NR3C2: variants seen among roughly 807,000 people sequenced by gnomAD.
NR3C2 encodes the protein mineralocorticoid receptor.
NR3C2 carries 15 observed loss-of-function variants against 86.4 expected under a neutral mutation model. The observed-to-expected ratio is 0.17, with a 90% CI of 0.12 to 0.27. NR3C2 has a LOEUF of 0.27. Ranked by LOEUF, NR3C2 falls within the 10% of genes least tolerant of loss-of-function variation. NR3C2 has a pLI of 1.00. For synonymous variants in NR3C2, 458 were observed against 450.5 expected (o/e 1.02, Z -0.21); for missense variants, 960 against 1,195.6 (o/e 0.80, Z 2.91).
intron 1 of NR3C2, among the ~76,000 whole-genome samples, chr4:148,439,766 A>C (rs933552072): frequency 1.3e-5 from 2 of 152,230 alleles, no homozygotes; most frequent in African/African-American, 4.8e-5. Flanking sequence ...ACATCTACTA[A>C]GATTCTGCAC....
chr4:148,340,215 G>T (rs1579180191), intron 2 of NR3C2, among the ~76,000 whole-genome samples: 1 of 152,208 alleles, frequency 6.6e-6, no homozygotes, highest in East Asian at 1.9e-4. Context: ...GTAATTCTGA[G>T]CAAAAAGAAC....
intron 2 of NR3C2, among the ~76,000 whole-genome samples, chr4:148,416,567 T>C (rs1178937899): frequency 2.0e-5 from 3 of 152,214 alleles, no homozygotes; most frequent in African/African-American, 7.2e-5. Context: ...CTACTTCTGA[T>C]AGTGCATGCT....
chr4:148,340,960 CA>C (rs139137321), intron 2 of NR3C2, among the ~76,000 whole-genome samples: 7 of 147,556 alleles, frequency 4.7e-5, no homozygotes, highest in East Asian at 2.0e-4. Flanking sequence ...ATCAAAAAGA[CA>C]AAAAAAAATA....
intron 4 of NR3C2, among the ~76,000 whole-genome samples, chr4:148,189,164 G>C (rs1343616945): frequency 6.6e-6 from 1 of 151,988 alleles, no homozygotes; most frequent in Non-Finnish European, 1.5e-5. Flanking sequence ...CCTAATCTCA[G>C]GTGATCCTCC....
At chr4:148,209,190 G>C (rs1295048948) in intron 3 of NR3C2, among the ~76,000 whole-genome samples, 1 of 150,978 alleles carries the variant, frequency 6.6e-6, no homozygotes, top group Non-Finnish European at 1.5e-5. Context: ...GTTGCAGTGA[G>C]CCGAAATAGT....
chr4:148,165,012 T>C (rs559856123), intron 4 of NR3C2, among the ~76,000 whole-genome samples: 8 of 152,200 alleles, frequency 5.3e-5, no homozygotes, highest in African/African-American at 1.9e-4. Flanking sequence ...AGGGTCCACA[T>C]CAAGCAAATA....
intron 2 of NR3C2, among the ~76,000 whole-genome samples, chr4:148,400,224 G>A (rs547107706): frequency 1.3e-5 from 2 of 152,260 alleles, no homozygotes; most frequent in South Asian, 4.1e-4. Context: ...AAACCTTCAA[G>A]GGCTGAGCTA....
intron 2 of NR3C2, among the ~76,000 whole-genome samples, chr4:148,366,436 T>TTTTTAAAAAGTACTTTTAAAAAAGAATAC (rs1746117237): frequency 3.5e-5 from 3 of 86,720 alleles, no homozygotes; most frequent in African/African-American, 1.1e-4. Context: ...AAAAGAATAC[T>TTTTTAAAAAGTACTTTTAAAAAAGAATAC]TTTTTAAAAG....
At chr4:148,277,954 G>A (rs763053930) in intron 2 of NR3C2, among the ~76,000 whole-genome samples, 1 of 152,070 alleles carries the variant, frequency 6.6e-6, no homozygotes, top group Non-Finnish European at 1.5e-5. Flanking sequence ...TATCCTCCAG[G>A]GAAACAACAT....
intron 4 of NR3C2, among the ~76,000 whole-genome samples, chr4:148,193,228 C>A (rs2149801447): frequency 6.6e-6 from 1 of 152,318 alleles, no homozygotes; most frequent in African/African-American, 2.4e-5. Context: ...TCAGAAACTT[C>A]TCCCACAAAC....
intron 2 of NR3C2, among the ~76,000 whole-genome samples, chr4:148,390,520 G>A (rs532889266): frequency 1.3e-5 from 2 of 152,108 alleles, no homozygotes; most frequent in Non-Finnish European, 2.9e-5. Flanking sequence ...CTGAAAGGAG[G>A]GCAAGGTAGG....
chr4:148,356,021 T>C (rs1225742422), intron 2 of NR3C2, among the ~76,000 whole-genome samples: 1 of 152,166 alleles, frequency 6.6e-6, no homozygotes, highest in South Asian at 2.1e-4. Flanking sequence ...ATCTAACAAG[T>C]GGCAAGTGTT....
At chr4:148,333,166 G>A (rs960843388) in intron 2 of NR3C2, among the ~76,000 whole-genome samples, 6 of 152,026 alleles carry the variant, frequency 3.9e-5, no homozygotes, top group African/African-American at 1.2e-4. Context: ...AGCTACTCAC[G>A]AGGCTAAGGT....
intron 2 of NR3C2, among the ~76,000 whole-genome samples, chr4:148,383,731 T>C (rs532470646): frequency 7.9e-5 from 12 of 152,132 alleles, no homozygotes; most frequent in African/African-American, 2.9e-4. Flanking sequence ...GGGTGGATCA[T>C]GAGGTCAGGA....
chr4:148,209,097 A>G (rs1737151825), intron 3 of NR3C2, among the ~76,000 whole-genome samples: 1 of 152,076 alleles, frequency 6.6e-6, no homozygotes, highest in African/African-American at 2.4e-5. Flanking sequence ...TACAAAAATT[A>G]GCTGGGTGTG....
At chr4:148,313,384 T>C (rs1206727333) in intron 2 of NR3C2, among the ~76,000 whole-genome samples, 1 of 152,224 alleles carries the variant, frequency 6.6e-6, no homozygotes, top group African/African-American at 2.4e-5. Flanking sequence ...ATTTACATAG[T>C]AGAGGACTAT....
At chr4:148,171,642 C>T (rs148033583) in intron 4 of NR3C2, among the ~76,000 whole-genome samples, 6 of 152,242 alleles carry the variant, frequency 3.9e-5, no homozygotes, top group Admixed American at 3.9e-4. Context: ...CAGAAGGCGG[C>T]ACTTGCCCAT....
At chr4:148,231,511 C>A (rs1191793794) in intron 3 of NR3C2, among the ~76,000 whole-genome samples, 1 of 152,112 alleles carries the variant, frequency 6.6e-6, no homozygotes, top group Non-Finnish European at 1.5e-5. Context: ...AATCTACACA[C>A]CTTAATTAAA....
intron 2 of NR3C2, among the ~76,000 whole-genome samples, chr4:148,397,851 C>A (rs1747941094): frequency 6.6e-6 from 1 of 152,102 alleles, no homozygotes; most frequent in Non-Finnish European, 1.5e-5. Context: ...ACATAAAGTA[C>A]CATACACGCA....
Sources: gnomAD v4.1 joint callset for allele counts (sites outside exome capture counted in the v4.1 genomes callset) on GRCh38, gnomAD v4.1.1 for gene constraint, MANE v1.5 for transcripts, NCBI Gene and HGNC (gene_info 2026-07-23, HGNC 2026-07-21) for gene names.